Variants in MYT1 observed in about 807,000 individuals in gnomAD.
The protein encoded by MYT1 is myelin transcription factor I.
A neutral mutation model predicts 123.0 loss-of-function variants in MYT1; 23 were observed. The ratio of observed to expected loss-of-function variants is 0.19; its 90% CI spans 0.13 to 0.26. MYT1 has a LOEUF of 0.26. Ranked by LOEUF, MYT1 falls within the 10% of genes least tolerant of loss-of-function variation. MYT1 has a pLI of 1.00. For synonymous variants in MYT1, 518 were observed against 575.3 expected (o/e 0.90, Z 1.43); for missense variants, 1,125 against 1,472.5 (o/e 0.76, Z 3.86).
Position 64,218,938 on chromosome 20 carries a change from C to T in MYT1, c.1874C>T (p.Ala625Val). ...QCFDYSQDAE[A>V]AHMAATAILN... ...TTTGACTACTCGCAGGACGCCGAGGCTGCACACATGGCTGCCACTGCCATC... is the reference window on the plus strand; with the variant it reads ...TTTGACTACTCGCAGGACGCCGAGGTTGCACACATGGCTGCCACTGCCATC... Residue 625 changes from alanine to valine, a missense_variant, in exon 12 of 23, where the codon GCT becomes GTT. Coordinates refer to ENST00000328439, the MANE Select transcript of MYT1 (RefSeq NM_004535.3). This position sits in a 1 kb window ranked among gnomAD's most constrained non-coding sequence, Gnocchi z 4.0. 6.2e-7 allele frequency: 1 copy of T among 1,613,746 alleles called. No individual in the cohort carries two copies. The highest frequency in any genetic ancestry group is 8.5e-7 in the Non-Finnish European group (1 of 1,180,038).
At chr20:64,180,518 C>A (rs554544931) in intron 1 of MYT1, among the ~76,000 whole-genome samples, 14 of 152,368 alleles carry the variant, frequency 9.2e-5, no homozygotes, top group African/African-American at 3.4e-4. Flanking sequence ...GCAGGCCAAC[C>A]TCTGGGTCGC....
intron 6 of MYT1, 141 bp downstream of exon 6, chr20:64,205,941 C>A: frequency 7.5e-7 from 1 of 1,333,658 alleles, no homozygotes; most frequent in Non-Finnish European, 1.0e-6. Flanking sequence ...CCAACATGTG[C>A]TGGGCTTCCT....
Position 64,223,099 on chromosome 20 carries a change from T to C in MYT1, c.2397-12T>C. 1 of 1,614,116 alleles carries C rather than the reference T, an allele frequency of 6.2e-7. No individual in the cohort carries two copies. The highest frequency in any genetic ancestry group is 8.5e-7 in the Non-Finnish European group (1 of 1,180,002). ...CCACTCTCCGGTCTGACACTCTTTT[T>C]CCTTTGTCCAGCTGTCCCACCCCTG... On this transcript the variant is annotated splice_polypyrimidine_tract_variant and intron_variant, in intron 14 of 22. Coordinates refer to ENST00000328439, the MANE Select transcript of MYT1 (RefSeq NM_004535.3).
chr20:64,232,081 C>G lies in MYT1; in HGVS notation c.2676-83C>G. 1 of 1,428,770 alleles carries G rather than the reference C, an allele frequency of 7.0e-7. No individual in the cohort carries two copies. Among genetic ancestry groups the G allele is most frequent in the South Asian group, 1.2e-5 (1 of 84,742 alleles). 88.5% of individuals were successfully genotyped at this position (1,428,770 alleles called of 1,614,324 possible). On this transcript the variant is annotated intron_variant, in intron 18 of 22. Transcript: ENST00000328439. This position sits in a 1 kb window ranked among gnomAD's most constrained non-coding sequence, Gnocchi z 6.9. ...CTTTAACGGCTCTGAGTTGGGCTCC[C>G]CTTGTGTCTGGCTTGAGAGAGTCTC...
chr20:64,207,253 C>G (rs1334565937), intron 6 of MYT1, among the ~76,000 whole-genome samples: 1 of 152,004 alleles, frequency 6.6e-6, no homozygotes, highest in Non-Finnish European at 1.5e-5. Context: ...TGCTTAAGCT[C>G]CATTGTATAC....
chr20:64,168,328 G>A lies in MYT1; in HGVS notation c.-99+3589G>A, dbSNP rs1037669394. Among the ~76,000 whole-genome samples, 31 of 152,332 alleles carry A rather than the reference G, an allele frequency of 2.0e-4. No homozygotes were observed. Among genetic ancestry groups the A allele is most frequent in the African/African-American group, 6.7e-4 (28 of 41,572 alleles). On this transcript the variant is annotated intron_variant, in intron 1 of 22. Coordinates refer to ENST00000328439, the MANE Select transcript of MYT1 (RefSeq NM_004535.3). This position sits in a 1 kb window ranked among gnomAD's most constrained non-coding sequence, Gnocchi z 6.1. ...TTACTGGAACTAACCAGATACAAGT[G>A]TGGAGTCTTTTCTCCCCAGGGTTAA...
chr20:64,224,160 G>A (rs554502419), intron 16 of MYT1, among the ~76,000 whole-genome samples: 6 of 152,186 alleles, frequency 3.9e-5, no homozygotes, highest in African/African-American at 7.2e-5. Context: ...CCTGGGCACC[G>A]GGGCCGAGCT....
intron 2 of MYT1, among the ~76,000 whole-genome samples, chr20:64,197,842 G>T (rs1983168725): frequency 6.6e-6 from 1 of 152,220 alleles, no homozygotes; most frequent in Non-Finnish European, 1.5e-5. Context: ...CCCACAGAGG[G>T]TGGTCAGATT....
In MYT1 at chr20:64,219,909, C is replaced by T. The variant is rs1202472467; in HGVS notation, c.2168C>T (p.Ser723Phe). ...ACCTCTCCCCAGTCCAGCCAGGCCT[C>T]CCGCCAGGACGAGTGGGACCGGCCC... The part of the protein sequence containing the change: ...SMTSPQSSQA[S>F]RQDEWDRPLD... Residue 723 changes from serine (S) to phenylalanine (F), a missense_variant, in exon 13 of 23, where the codon TCC (serine) becomes TTC (phenylalanine). Transcript: ENST00000328439. 6.4e-7 allele frequency: 1 copy of T among 1,565,986 alleles called. No individual in the cohort carries two copies. The highest frequency in any genetic ancestry group is 2.4e-5 in the East Asian group (1 of 41,874).
chr20:64,172,980 C>T (rs1030535242), intron 1 of MYT1, among the ~76,000 whole-genome samples: 4 of 152,076 alleles, frequency 2.6e-5, no homozygotes, highest in Non-Finnish European at 4.4e-5. Context: ...CCACCCACCT[C>T]GGCCTCCCAA....
intron 18 of MYT1, 22 bp downstream of exon 18, chr20:64,227,993 C>G: frequency 6.2e-7 from 1 of 1,607,696 alleles, no homozygotes; most frequent in Non-Finnish European, 8.5e-7. Flanking sequence ...CATGCTGGCT[C>G]TTTCATTGCA....
intron 14 of MYT1, 81 bp from the exon 15 acceptor site, chr20:64,223,030 A>G (rs895463577): frequency 1.8e-5 from 27 of 1,520,782 alleles, no homozygotes; most frequent in Non-Finnish European, 2.4e-5. Context: ...AGTGGGCACC[A>G]GTCTCCCTCG....
At chr20:64,187,729 T>C (rs1791061002) in intron 1 of MYT1, among the ~76,000 whole-genome samples, 1 of 152,238 alleles carries the variant, frequency 6.6e-6, no homozygotes, top group Admixed American at 6.5e-5. Context: ...ACTGGGCTTC[T>C]AGTAGTGATA....
chr20:64,213,475 C>T lies in MYT1; in HGVS notation c.1518-59C>T. On this transcript the variant is annotated intron_variant, in intron 9 of 22. Coordinates refer to ENST00000328439, the MANE Select transcript of MYT1 (RefSeq NM_004535.3). The surrounding 1 kb of genome is among the most constrained non-coding windows in gnomAD (Gnocchi z 5.6). ...GTGAGACACCCACACACACAGACAC[C>T]CAGGACAGGACAGGCATGGAGGGGA... The T allele has an allele frequency of 2.2e-6, 3 of 1,392,920 alleles. No homozygotes were observed. The highest frequency in any genetic ancestry group is 1.7e-5 in the Admixed American group (1 of 57,986). 86.3% of individuals were successfully genotyped at this position (1,392,920 alleles called of 1,614,324 possible).
At chr20:64,211,980 C>T in intron 8 of MYT1, 68 bp from the exon 9 acceptor site, 2 of 1,358,916 alleles carry the variant, frequency 1.5e-6, no homozygotes, top group Admixed American at 1.7e-5. Flanking sequence ...GCCTGTGCTC[C>T]CCACACAGCT....
Position 64,218,772 on chromosome 20 carries a change from C to G in MYT1, c.1847-139C>G. On this transcript the variant is annotated intron_variant, in intron 11 of 22. Coordinates refer to ENST00000328439, the MANE Select transcript of MYT1 (RefSeq NM_004535.3). The surrounding 1 kb of genome is among the most constrained non-coding windows in gnomAD (Gnocchi z 4.0). The stretch of plus-strand genomic sequence containing the variant: ...AAGTGCCCCCTCCCCACTGACTTGT[C>G]TGCATTGCTGCCTCTTTTCAAGTTG... 3 of 1,089,890 alleles carry G rather than the reference C, an allele frequency of 2.8e-6. No individual in the cohort carries two copies. Among genetic ancestry groups the G allele is most frequent in the Non-Finnish European group, 4.1e-6 (3 of 736,808 alleles). 67.5% of individuals were successfully genotyped at this position (1,089,890 alleles called of 1,614,324 possible). A position where few individuals can be genotyped will look rare whatever the true frequency, so the allele number is the denominator to read the frequency against.
chr20:64,229,791 C>G (rs528527715), intron 18 of MYT1, among the ~76,000 whole-genome samples: 1 of 152,322 alleles, frequency 6.6e-6, no homozygotes, highest in East Asian at 1.9e-4. Context: ...TAAGTCACAT[C>G]AGGCGCTTGG....
chr20:64,185,931 G>C lies in MYT1; in HGVS notation c.-98-4132G>C, dbSNP rs905472457. Among the ~76,000 whole-genome samples, 1 of 152,232 alleles carries C rather than the reference G, an allele frequency of 6.6e-6. No individual in the cohort carries two copies. The highest frequency in any genetic ancestry group is 1.5e-5 in the Non-Finnish European group (1 of 68,038). ...CACTGGCTCTCAGTGGAAGCGTCCT[G>C]TCTGGGGCCTGGGTCAGGCTGGTCT... On this transcript the variant is annotated intron_variant, in intron 1 of 22. Transcript: ENST00000328439. The surrounding 1 kb of genome is among the most constrained non-coding windows in gnomAD (Gnocchi z 4.5).
chr20:64,185,109 G>A lies in MYT1; in HGVS notation c.-98-4954G>A, dbSNP rs147224329. On this transcript the variant is annotated intron_variant, in intron 1 of 22. Transcript: ENST00000328439. The surrounding 1 kb of genome is among the most constrained non-coding windows in gnomAD (Gnocchi z 4.5). The stretch of plus-strand genomic sequence containing the variant: ...GGAGATGGAGAGGGGGCTGGGCAGG[G>A]GCGTGAGGTCCAAAGAGACTGTGTT... Among the ~76,000 whole-genome samples the A allele has an allele frequency of 2.0e-5, 3 of 152,292 alleles. No homozygotes were observed. In the East Asian group the frequency reaches 5.8e-4, roughly 29 times the overall value.
Sources: allele counts gnomAD v4.1 joint callset (sites outside exome capture counted in the v4.1 genomes callset), GRCh38; gene constraint gnomAD v4.1.1; non-coding constraint Gnocchi (gnomAD v3.1); transcripts MANE v1.5; gene names NCBI Gene and HGNC (gene_info 2026-07-23, HGNC 2026-07-21).